SLC5A4: variants seen among roughly 807,000 people sequenced by gnomAD.
The protein encoded by SLC5A4 is solute carrier family 5 member 4, also known as probable glucose sensor protein SLC5A4.
A neutral mutation model predicts 70.3 loss-of-function variants in SLC5A4; 55 were observed. The observed-to-expected ratio is 0.78, with a 90% CI of 0.63 to 0.98. The LOEUF is 0.98. Among genes scored for constraint, SLC5A4 ranks in the 50% least tolerant of loss-of-function variants. The pLI is 0.00. For synonymous variants in SLC5A4, 268 were observed against 305.7 expected, an observed-to-expected ratio of 0.88 and a Z score of 1.29; for missense variants, 735 against 839.2, an observed-to-expected ratio of 0.88 and a Z score of 1.53.
chr22:32,313,563 A>T, the SLC5A4 span, among the ~76,000 whole-genome samples: 1 of 152,250 alleles, frequency 6.6e-6, no homozygotes, highest in Non-Finnish European at 1.5e-5. Flanking sequence ...CAAGATCTAC[A>T]GTGTGGAAAC....
chr22:32,331,134 GTC>G, the SLC5A4 span, among the ~76,000 whole-genome samples: 1 of 99,998 alleles, frequency 1.0e-5, no homozygotes, highest in Non-Finnish European at 2.3e-5. Context: ...GCTCTGGTGT[GTC>G]TGTGTGTTGG....
the SLC5A4 span, among the ~76,000 whole-genome samples, chr22:32,291,390 G>T: frequency 8.6e-5 from 13 of 151,996 alleles, no homozygotes; most frequent in Non-Finnish European, 1.8e-4. Context: ...TATTGGTCAG[G>T]CTGGTCTTGA....
chr22:32,266,305 A>G, the SLC5A4 span, among the ~76,000 whole-genome samples: 1 of 152,164 alleles, frequency 6.6e-6, no homozygotes, highest in African/African-American at 2.4e-5. Flanking sequence ...GGGGACAGAA[A>G]GCTTGGATCC....
At chr22:32,310,450 G>A in the SLC5A4 span, among the ~76,000 whole-genome samples, 95 of 152,300 alleles carry the variant, frequency 6.2e-4, 1 homozygote, top group African/African-American at 2.2e-3. Context: ...GTGGGACACA[G>A]CTGTGGCTGC....
At chr22:32,321,479 A>G in the SLC5A4 span, among the ~76,000 whole-genome samples, 1 of 152,220 alleles carries the variant, frequency 6.6e-6, no homozygotes, top group Admixed American at 6.5e-5. Context: ...TTTTAAGTTC[A>G]GGGGTACACG....
chr22:32,301,466 T>C, the SLC5A4 span, among the ~76,000 whole-genome samples: 10 of 152,202 alleles, frequency 6.6e-5, no homozygotes, highest in South Asian at 2.1e-4. Context: ...AACAAAACAG[T>C]ATAAAACTTA....
intron 5 of SLC5A4, among the ~76,000 whole-genome samples, chr22:32,245,127 G>C (rs1926742957): frequency 6.6e-6 from 1 of 152,128 alleles, no homozygotes; most frequent in African/African-American, 2.4e-5. Context: ...TTCCAACCTG[G>C]GCAGAGGAGA....
At chr22:32,297,202 T>C in the SLC5A4 span, among the ~76,000 whole-genome samples, 3 of 151,308 alleles carry the variant, frequency 2.0e-5, no homozygotes, top group Non-Finnish European at 2.9e-5. Context: ...CTTTTTCTAT[T>C]GATTGGAATA....
chr22:32,271,355 G>T, the SLC5A4 span: 2 of 737,300 alleles, frequency 2.7e-6, no homozygotes, highest in East Asian at 5.8e-5. Flanking sequence ...AGGTGCTGCT[G>T]GTTGTGCTGG....
At chr22:32,321,913 A>G in the SLC5A4 span, among the ~76,000 whole-genome samples, 1 of 152,224 alleles carries the variant, frequency 6.6e-6, no homozygotes, top group Admixed American at 6.5e-5. Context: ...TTGCACATAA[A>G]ACGTTGGGTC....
chr22:32,266,133 A>C, the SLC5A4 span, among the ~76,000 whole-genome samples: 2 of 152,206 alleles, frequency 1.3e-5, no homozygotes, highest in Non-Finnish European at 2.9e-5. Context: ...GGAAGGGGGA[A>C]ACTTTGCCTT....
rs202084255 is a variant in SLC5A4, at chr22:32,229,353, G to A, written c.1130-9C>T. On this transcript the variant is annotated splice_polypyrimidine_tract_variant and intron_variant, in intron 10 of 14. Coordinates refer to ENST00000266086, the MANE Select transcript of SLC5A4 (RefSeq NM_014227.3). ...CATCAGGCCTCGCAGTCCTGGAGCCGGGAAAGGGTACAAGCACTGGTTAGT... is the reference window on the plus strand; with the variant it reads ...CATCAGGCCTCGCAGTCCTGGAGCCAGGAAAGGGTACAAGCACTGGTTAGT... 1.5e-5 allele frequency: 25 copies of A among 1,613,438 alleles called. No homozygotes were observed. Among genetic ancestry groups the A allele is most frequent in the Middle Eastern group, 1.6e-4 (1 of 6,078 alleles).
At chr22:32,300,126 A>C in the SLC5A4 span, among the ~76,000 whole-genome samples, 19 of 151,780 alleles carry the variant, frequency 1.3e-4, no homozygotes, top group Non-Finnish European at 1.5e-4. Flanking sequence ...GTGCCCTGCC[A>C]CCAGAGGTGG....
chr22:32,281,093 G>A, the SLC5A4 span, among the ~76,000 whole-genome samples: 2 of 152,094 alleles, frequency 1.3e-5, no homozygotes, highest in Non-Finnish European at 2.9e-5. Context: ...ATTAGACTGG[G>A]GAGCCACAAA....
chr22:32,247,560 C>T (rs1212352557), intron 4 of SLC5A4, 45 bp from the exon 5 acceptor site: 1 of 1,231,248 alleles, frequency 8.1e-7, no homozygotes, highest in Non-Finnish European at 1.2e-6. Context: ...CCCTTAGGGC[C>T]CTGTGCGTTC....
At chr22:32,284,023 T>G in the SLC5A4 span, among the ~76,000 whole-genome samples, 4 of 145,564 alleles carry the variant, frequency 2.7e-5, no homozygotes, top group African/African-American at 1.0e-4. Flanking sequence ...ATCATTTTTA[T>G]AACACAATGA....
rs1926369078 is a variant in SLC5A4, at chr22:32,239,580, ATTTATATATATATAAATT to A, written c.478-508_478-491del. 2.2e-4 allele frequency among the ~76,000 whole-genome samples: 18 copies of A among 81,242 alleles called. 2 individuals are homozygous for A. The highest frequency in any genetic ancestry group is 6.5e-4 in the African/African-American group (11 of 16,928). The allele number at this position is 81,242 out of a possible 152,430, so 53.3% of individuals were successfully genotyped here. ...TATATATATATATATTTATATATAT[ATTTATATATATATAAATT>A]ATATAAAATATATGTATAATATATA... is the stretch of plus-strand genomic sequence containing the variant. On this transcript the variant is annotated intron_variant, in intron 5 of 14. Transcript: ENST00000266086.
chr22:32,229,877 C>T (rs1488002777), intron 10 of SLC5A4, among the ~76,000 whole-genome samples: 2 of 152,146 alleles, frequency 1.3e-5, no homozygotes, highest in African/African-American at 4.8e-5. Flanking sequence ...TAAACATGAA[C>T]TTAGAGATCA....
intron 3 of SLC5A4, among the ~76,000 whole-genome samples, chr22:32,250,848 A>G (rs1387678472): frequency 6.6e-6 from 1 of 151,952 alleles, no homozygotes; most frequent in African/African-American, 2.4e-5. Context: ...CAGCAAACTA[A>G]CCCAGGAACA....
Sources: allele counts gnomAD v4.1 joint callset (sites outside exome capture counted in the v4.1 genomes callset), GRCh38; gene constraint gnomAD v4.1.1; transcripts MANE v1.5; gene names NCBI Gene and HGNC (gene_info 2026-07-23, HGNC 2026-07-21).